The following C2CD2 variants were observed in gnomAD, a reference collection of about 807,000 sequenced individuals.
C2CD2 encodes C2 calcium dependent domain containing 2, also known as C2 domain-containing protein 2.
C2CD2 carries 43 observed loss-of-function variants against 74.3 expected under a neutral mutation model. The ratio of observed to expected loss-of-function variants is 0.58; its 90% confidence interval spans 0.45 to 0.75. C2CD2 has a LOEUF of 0.75. C2CD2 is among the 30% of genes least tolerant of loss of function. C2CD2 has a pLI of 0.00. For missense variants in C2CD2, 801 were observed against 916.3 expected, an observed-to-expected ratio of 0.87 and a Z score of 1.63; for synonymous variants, 422 against 390.7, an observed-to-expected ratio of 1.08 and a Z score of -0.94.
chr21:41,937,044 C>A (rs2065314474), intron 2 of C2CD2, among the ~76,000 whole-genome samples: 2 of 151,878 alleles, frequency 1.3e-5, no homozygotes, highest in Non-Finnish European at 2.9e-5. Context: ...TGGTCTTGAA[C>A]TCTTGACCTC....
chr21:41,921,768 A>AGT (rs1424101590), intron 3 of C2CD2, among the ~76,000 whole-genome samples: 1 of 148,530 alleles, frequency 6.7e-6, no homozygotes, highest in Non-Finnish European at 1.5e-5. Context: ...GTGTGTGTGT[A>AGT]GTGTGTGTGT....
rs1170673901 is a variant in C2CD2, at chr21:41,926,249, CATA to C, written c.379-4167_379-4165del. Among the ~76,000 whole-genome samples the C allele has an allele frequency of 2.6e-5, 4 of 152,244 alleles. No homozygotes were observed. Among genetic ancestry groups the C allele is most frequent in the South Asian group, 2.1e-4 (1 of 4,812 alleles). ...CCCCAAAACAAGCAAAGATTATTTA[CATA>C]AAGCATTTGAAAATCAAGCAACAGA... On this transcript the variant is annotated intron_variant, in intron 2 of 13. Transcript: ENST00000380486. This position sits in a 1 kb window ranked among gnomAD's most constrained non-coding sequence, Gnocchi z 8.0.
intron 11 of C2CD2, among the ~76,000 whole-genome samples, chr21:41,904,369 T>C (rs908968062): frequency 2.6e-5 from 4 of 152,274 alleles, no homozygotes; most frequent in Non-Finnish European, 5.9e-5. Context: ...TTGTTTAACA[T>C]ATGATCAAGA....
In C2CD2 at chr21:41,907,747, A is replaced by C. The variant is rs3746906; in HGVS notation, c.1056T>G (p.Phe352Leu). 3.7e-6 allele frequency: 6 copies of C among 1,613,562 alleles called. No homozygotes were observed. Among genetic ancestry groups the C allele is most frequent in the Admixed American group, 1.7e-5 (1 of 59,968 alleles). ...TCTGTGGCCCAGAAGGCTGCTTCTT[A>C]AATAAGTCCAGAGGAACTGTCGCCG... ...LATATVPLDL[F>L]KKQPSGPQSF... The change falls in exon 9 of 14, where the codon TTT becomes TTG. Residue 352 changes from phenylalanine to leucine, a missense_variant. Coordinates refer to ENST00000380486, the MANE Select transcript of C2CD2 (RefSeq NM_015500.2).
Position 41,886,259 on chromosome 21 carries a change from CAA to C in C2CD2, c.*2863_*2864del, listed in dbSNP as rs2064682762. 1 of 152,194 alleles carries C rather than the reference CAA, an allele frequency of 6.6e-6. No homozygotes were observed. Among genetic ancestry groups the C allele is most frequent in the Non-Finnish European group, 1.5e-5 (1 of 68,044 alleles). 9.4% of individuals were successfully genotyped at this position (152,194 alleles called of 1,614,324 possible). On this transcript the variant is annotated 3_prime_UTR_variant, in exon 14 of 14. Coordinates refer to ENST00000380486, the MANE Select transcript of C2CD2 (RefSeq NM_015500.2). ...GCCAAAAACAAAAGCCCTCAAGCCACAAAAGCTTGTAGAAGAGGTGAGGCGAT... is the reference window on the plus strand; with the variant it reads ...GCCAAAAACAAAAGCCCTCAAGCCACAAGCTTGTAGAAGAGGTGAGGCGAT...
chr21:41,901,603 C>G lies in C2CD2; in HGVS notation c.1560+19G>C, dbSNP rs1389027000. 6.2e-7 allele frequency: 1 copy of G among 1,613,912 alleles called. No individual in the cohort carries two copies. Among genetic ancestry groups the G allele is most frequent in the Non-Finnish European group, 8.5e-7 (1 of 1,179,872 alleles). On this transcript the variant is annotated intron_variant, in intron 12 of 13. Coordinates refer to ENST00000380486, the MANE Select transcript of C2CD2 (RefSeq NM_015500.2). ...GACAGATGACCAGATGAACACCTCC[C>G]CAGCCACCACGATGGTACCTTGGAG...
chr21:41,947,283 G>A (rs1168731765), intron 1 of C2CD2, among the ~76,000 whole-genome samples: 3 of 151,530 alleles, frequency 2.0e-5, no homozygotes, highest in Admixed American at 6.6e-5. Context: ...TCAGCATCCC[G>A]AGTAGCTGGG....
At position 41,903,305 on chromosome 21, in the gene C2CD2, C is replaced by T. The variant is rs1226417886; in HGVS notation, c.1433-1556G>A. Among the ~76,000 whole-genome samples, 2 of 152,192 alleles carry T rather than the reference C, an allele frequency of 1.3e-5. No individual in the cohort carries two copies. The highest frequency in any genetic ancestry group is 2.9e-5 in the Non-Finnish European group (2 of 68,030). On this transcript the variant is annotated intron_variant, in intron 11 of 13. Transcript: ENST00000380486. This position sits in a 1 kb window ranked among gnomAD's most constrained non-coding sequence, Gnocchi z 4.5. ...GAACCCGAGGAGTGTGTCATGGAAACCCCAATTTGTAGCCAAGTGGGACAA... is the reference window on the plus strand; with the variant it reads ...GAACCCGAGGAGTGTGTCATGGAAATCCCAATTTGTAGCCAAGTGGGACAA...
intron 5 of C2CD2, among the ~76,000 whole-genome samples, chr21:41,916,335 C>G (rs1192674450): frequency 6.6e-6 from 1 of 152,160 alleles, no homozygotes; most frequent in African/African-American, 2.4e-5. Context: ...ACTTGGCACA[C>G]CCAATGATGC....
intron 2 of C2CD2, among the ~76,000 whole-genome samples, chr21:41,932,102 G>C (rs1007257282): frequency 8.9e-5 from 13 of 146,866 alleles, no homozygotes; most frequent in African/African-American, 3.0e-4. Flanking sequence ...AGAGGGGCTA[G>C]AGGTCGCATT....
In C2CD2 at chr21:41,885,298, C is replaced by T. The variant is rs2064671101; in HGVS notation, c.*3826G>A. ...CACCGCACTCCAGCGTCAGGCCAAACCTTTCCGTGGACCTGGAAAACCTGC... is the reference window on the plus strand; with the variant it reads ...CACCGCACTCCAGCGTCAGGCCAAATCTTTCCGTGGACCTGGAAAACCTGC... On this transcript the variant is annotated 3_prime_UTR_variant, in exon 14 of 14. Transcript: ENST00000380486. 1 of 152,300 alleles carries T rather than the reference C, an allele frequency of 6.6e-6. No homozygotes were observed. The highest frequency in any genetic ancestry group is 1.5e-5 in the Non-Finnish European group (1 of 68,064). The allele number at this position is 152,300 out of a possible 1,614,324, so 9.4% of individuals were successfully genotyped here. A position where few individuals can be genotyped will look rare whatever the true frequency, so the allele number is the denominator to read the frequency against.
chr21:41,943,372 G>A (rs1036463519), intron 1 of C2CD2, among the ~76,000 whole-genome samples: 3 of 152,316 alleles, frequency 2.0e-5, no homozygotes, highest in African/African-American at 7.2e-5. Context: ...AACGTTTTAT[G>A]ACGAAGAACC....
chr21:41,899,284 C>G lies in C2CD2; in HGVS notation c.1639G>C (p.Ala547Pro). The G allele has an allele frequency of 6.2e-7, 1 of 1,611,598 alleles. No homozygotes were observed. The highest frequency in any genetic ancestry group is 1.7e-5 in the Admixed American group (1 of 60,020). ...GCCGCCCTCTCCGGATGGGATGGGG[C>G]GTCCTCCTGGTGGGTGCTGTCCACA... The part of the protein sequence containing the change: ...ASVDSTHQED[A>P]PSHPERAAAS... The change falls in exon 13 of 14, where the codon GCC becomes CCC. Residue 547 changes from alanine (A) to proline (P), a missense_variant. Ala to Pro is a conservative substitution (Grantham distance 27). Coordinates refer to ENST00000380486, the MANE Select transcript of C2CD2 (RefSeq NM_015500.2). The surrounding 1 kb of genome is among the most constrained non-coding windows in gnomAD (Gnocchi z 4.4).
chr21:41,918,806 C>T (rs2065122114), intron 4 of C2CD2, 50 bp downstream of exon 4: 2 of 1,390,282 alleles, frequency 1.4e-6, no homozygotes, highest in South Asian at 1.2e-5. Context: ...TGTCCTAACA[C>T]ACGTGCGTTC....
At chr21:41,941,897 G>A (rs2065357057) in intron 2 of C2CD2, among the ~76,000 whole-genome samples, 1 of 152,134 alleles carries the variant, frequency 6.6e-6, no homozygotes, top group South Asian at 2.1e-4. Context: ...TACTTGACAC[G>A]GTATTTTCAG....
chr21:41,933,067 T>C (rs1461360808), intron 2 of C2CD2, among the ~76,000 whole-genome samples: 1 of 150,248 alleles, frequency 6.7e-6, no homozygotes. Flanking sequence ...ACAGGCTGGG[T>C]TCCGGCGGCC....
At chr21:41,933,175 G>A (rs2065277681) in intron 2 of C2CD2, among the ~76,000 whole-genome samples, 1 of 150,566 alleles carries the variant, frequency 6.6e-6, no homozygotes, top group South Asian at 2.1e-4. Flanking sequence ...TGTGAGCTTT[G>A]AAAGGGAGGG....
rs1339257409 is a variant in C2CD2 at position 41,886,331 on chromosome 21, CTTAAT to C, written c.*2788_*2792del. ...GTATTTTTAGCATTTGGTGGATAAT[CTTAAT>C]TTATCTTTAACCTTCACAACATTTA... On this transcript the variant is annotated 3_prime_UTR_variant, in exon 14 of 14. Transcript: ENST00000380486. 6.6e-6 allele frequency: 1 copy of C among 152,244 alleles called. No individual in the cohort carries two copies. Among genetic ancestry groups the C allele is most frequent in the Non-Finnish European group, 1.5e-5 (1 of 68,056 alleles). 9.4% of individuals were successfully genotyped at this position (152,244 alleles called of 1,614,324 possible). A position where few individuals can be genotyped will look rare whatever the true frequency, so the allele number is the denominator to read the frequency against.
At chr21:41,952,717 C>T (rs2065459689) in intron 1 of C2CD2, among the ~76,000 whole-genome samples, 1 of 152,260 alleles carries the variant, frequency 6.6e-6, no homozygotes, top group Non-Finnish European at 1.5e-5. Context: ...CACATGCCAG[C>T]TCTGCCGCCC....
Sources: allele counts gnomAD v4.1 joint callset (sites outside exome capture counted in the v4.1 genomes callset), GRCh38; gene constraint gnomAD v4.1.1; non-coding constraint Gnocchi (gnomAD v3.1); transcripts MANE v1.5; gene names NCBI Gene and HGNC (gene_info 2026-07-23, HGNC 2026-07-21).